CPNE4: variants seen among roughly 807,000 people sequenced by gnomAD.
The protein encoded by CPNE4 is copine-4.
Under a neutral mutation model 67.9 loss-of-function variants are expected in CPNE4, and 25 were observed. The ratio of observed to expected loss-of-function variants is 0.37; its 90% CI spans 0.27 to 0.51. The LOEUF (loss-of-function observed/expected upper bound fraction) is 0.51. Ranked by LOEUF, CPNE4 falls within the 20% of genes least tolerant of loss-of-function variation. The pLI, the probability that CPNE4 is intolerant of heterozygous loss-of-function variation, is 0.93. For missense variants in CPNE4, 464 were observed against 690.8 expected (o/e 0.67, Z 3.68); for synonymous variants, 242 against 244.9 (o/e 0.99, Z 0.11).
At chr3:131,790,077 TA>T (rs558664583) in intron 2 of CPNE4, among the ~76,000 whole-genome samples, 223 of 152,284 alleles carry the variant, frequency 1.5e-3, no homozygotes, top group Non-Finnish European at 2.3e-3. Context: ...TTCTTCTCCC[TA>T]ATACCACCTA....
intron 1 of CPNE4, among the ~76,000 whole-genome samples, chr3:132,030,736 A>C (rs970453276): frequency 2.0e-5 from 3 of 152,254 alleles, no homozygotes; most frequent in Non-Finnish European, 2.9e-5. Context: ...ACATATATTT[A>C]GTAGTTCATA....
intron 2 of CPNE4, among the ~76,000 whole-genome samples, chr3:131,859,878 A>G (rs940692549): frequency 8.5e-5 from 13 of 152,220 alleles, no homozygotes; most frequent in African/African-American, 3.1e-4. Context: ...TTACTTAAAT[A>G]AATTGTACTA....
At chr3:131,884,541 G>A (rs888369662) in intron 2 of CPNE4, among the ~76,000 whole-genome samples, 7 of 152,160 alleles carry the variant, frequency 4.6e-5, no homozygotes, top group Non-Finnish European at 8.8e-5. Context: ...AAGTCAGAGT[G>A]TTTCAGAGAG....
intron 2 of CPNE4, among the ~76,000 whole-genome samples, chr3:131,731,083 T>C (rs1189321638): frequency 6.6e-6 from 1 of 152,160 alleles, no homozygotes; most frequent in East Asian, 1.9e-4. Flanking sequence ...GCATGACAAG[T>C]GTCTTTCTCC....
At chr3:131,782,913 A>G (rs1004583919) in intron 2 of CPNE4, among the ~76,000 whole-genome samples, 1 of 152,064 alleles carries the variant, frequency 6.6e-6, no homozygotes, top group Non-Finnish European at 1.5e-5. Flanking sequence ...AGTAGGCAGT[A>G]ATAAGCAAGA....
chr3:131,673,858 C>T (rs1847190), intron 6 of CPNE4, among the ~76,000 whole-genome samples: 5,689 of 152,076 alleles, frequency 0.037, 140 homozygotes, highest in East Asian at 0.1. Flanking sequence ...TGTTGAATAA[C>T]AGTGATGAAA....
chr3:131,696,941 A>G (rs114043029), intron 4 of CPNE4, among the ~76,000 whole-genome samples: 2,572 of 152,358 alleles, frequency 0.017, 41 homozygotes, highest in African/African-American at 0.045. Context: ...TAGTATTTCT[A>G]TAATTAACTA....
At chr3:131,803,467 T>C (rs761885842) in intron 2 of CPNE4, among the ~76,000 whole-genome samples, 1 of 152,250 alleles carries the variant, frequency 6.6e-6, no homozygotes, top group Non-Finnish European at 1.5e-5. Flanking sequence ...AGACAAACTG[T>C]GTATGTGATT....
At chr3:131,934,606 C>T (rs1192648951) in intron 1 of CPNE4, among the ~76,000 whole-genome samples, 8 of 152,100 alleles carry the variant, frequency 5.3e-5, no homozygotes, top group African/African-American at 1.9e-4. Flanking sequence ...ATGTTCCCCT[C>T]CCTGTGTCTA....
intron 2 of CPNE4, among the ~76,000 whole-genome samples, chr3:131,863,963 A>G (rs953306199): frequency 1.3e-5 from 2 of 152,164 alleles, no homozygotes; most frequent in African/African-American, 4.8e-5. Flanking sequence ...TAAATAGGGA[A>G]TCCTTTCCTC....
chr3:131,688,380 C>T (rs1237644611), intron 5 of CPNE4, among the ~76,000 whole-genome samples: 1 of 152,120 alleles, frequency 6.6e-6, no homozygotes, highest in Non-Finnish European at 1.5e-5. Context: ...CGTCTCTCCC[C>T]CAAAATGGCC....
chr3:131,701,255 A>G (rs2081293594), intron 3 of CPNE4, among the ~76,000 whole-genome samples: 1 of 152,118 alleles, frequency 6.6e-6, no homozygotes, highest in African/African-American at 2.4e-5. Context: ...AAGAAAAAAA[A>G]AAGAACCAAG....
At chr3:131,678,855 A>G (rs968582740) in intron 6 of CPNE4, among the ~76,000 whole-genome samples, 4 of 152,092 alleles carry the variant, frequency 2.6e-5, no homozygotes, top group African/African-American at 9.7e-5. Context: ...AGATTTTTGC[A>G]TCAGTGTTCA....
chr3:131,606,501 C>T (rs1582881274), intron 7 of CPNE4, among the ~76,000 whole-genome samples: 1 of 152,154 alleles, frequency 6.6e-6, no homozygotes, highest in East Asian at 1.9e-4. Context: ...GACATCTAGC[C>T]AGATTCACAC....
In CPNE4 at chr3:131,885,322, G is replaced by A. The variant is rs188047155; in HGVS notation, c.180+19942C>T. Among the ~76,000 whole-genome samples the A allele has an allele frequency of 1.5e-4, 21 of 140,420 alleles. 1 individual carries two copies. The highest frequency in any genetic ancestry group is 4.9e-4 in the African/African-American group (20 of 40,724). The allele number at this position is 140,420 out of a possible 152,430, so 92.1% of individuals were successfully genotyped here. The stretch of plus-strand genomic sequence containing the variant: ...TGAGATAGATGATTTAGGGTATCTG[G>A]TGGGAGAAATTTCTTTTTTTTTTTT... On this transcript the variant is annotated intron_variant, in intron 2 of 15. Coordinates refer to ENST00000429747, the MANE Select transcript of CPNE4 (RefSeq NM_130808.3).
At chr3:131,720,786 T>C (rs2081863810) in intron 3 of CPNE4, among the ~76,000 whole-genome samples, 1 of 152,200 alleles carries the variant, frequency 6.6e-6, no homozygotes, top group African/African-American at 2.4e-5. Flanking sequence ...GTCTCACTTT[T>C]CCTCTCCACT....
intron 6 of CPNE4, among the ~76,000 whole-genome samples, chr3:131,680,416 A>T (rs920168284): frequency 1.3e-5 from 2 of 152,074 alleles, no homozygotes; most frequent in African/African-American, 4.8e-5. Context: ...ACATAAAGAA[A>T]CAGACAAACT....
chr3:131,538,235 C>T (rs149534706), intron 15 of CPNE4, among the ~76,000 whole-genome samples: 33 of 152,288 alleles, frequency 2.2e-4, no homozygotes, highest in East Asian at 9.7e-4. Context: ...CTTAGTCTCA[C>T]GCAACTATTG....
chr3:132,018,727 G>C (rs970550297), intron 1 of CPNE4, among the ~76,000 whole-genome samples: 64 of 152,108 alleles, frequency 4.2e-4, no homozygotes, highest in African/African-American at 1.5e-3. Context: ...TCTCATATCT[G>C]CCTATCCAAA....
Sources: allele counts gnomAD v4.1 joint callset (sites outside exome capture counted in the v4.1 genomes callset), GRCh38; gene constraint gnomAD v4.1.1; transcripts MANE v1.5; gene names NCBI Gene and HGNC (gene_info 2026-07-23, HGNC 2026-07-21).